The following ECI2 variants were observed in gnomAD, a reference collection of about 807,000 sequenced individuals.
ECI2 encodes enoyl-CoA delta isomerase 2.
Under a neutral mutation model 38.4 loss-of-function variants are expected in ECI2, and 27 were observed. That is an observed-to-expected ratio of 0.70 (90% CI 0.52 to 0.97). The LOEUF is 0.97. ECI2 is among the 50% of genes least tolerant of loss of function. The pLI, the probability that ECI2 is intolerant of heterozygous loss-of-function variation, is 0.00. For synonymous variants in ECI2, 168 were observed against 172.0 expected (o/e 0.98, Z 0.18); for missense variants, 470 against 474.4 (o/e 0.99, Z 0.09).
At chr6:4,134,606 T>C (rs988591270) in intron 1 of ECI2, among the ~76,000 whole-genome samples, 4 of 152,098 alleles carry the variant, frequency 2.6e-5, no homozygotes, top group Non-Finnish European at 2.9e-5. Context: ...ACAAACACAA[T>C]TATGTAACTC....
intron 2 of ECI2, 65 bp downstream of exon 2, chr6:4,133,484 G>A: frequency 6.5e-7 from 1 of 1,537,220 alleles, no homozygotes; most frequent in Non-Finnish European, 8.8e-7. Flanking sequence ...TAAACACACA[G>A]TGTATTTATT....
At chr6:4,129,271 C>G (rs1773379503) in intron 4 of ECI2, among the ~76,000 whole-genome samples, 2 of 152,102 alleles carry the variant, frequency 1.3e-5, no homozygotes, top group Admixed American at 1.3e-4. Flanking sequence ...CACCACCATG[C>G]CCAGCTAATT....
chr6:4,132,580 A>G (rs1463803303), intron 2 of ECI2, among the ~76,000 whole-genome samples: 1 of 152,206 alleles, frequency 6.6e-6, no homozygotes, highest in African/African-American at 2.4e-5. Context: ...TAGATAACAC[A>G]GGAGCCCAGA....
intron 7 of ECI2, among the ~76,000 whole-genome samples, chr6:4,120,445 G>A (rs1360288646): frequency 1.3e-5 from 2 of 152,132 alleles, no homozygotes; most frequent in African/African-American, 4.8e-5. Flanking sequence ...AGAAAAGGTA[G>A]GCCGGGTGTG....
At chr6:4,132,136 A>G (rs985878205) in intron 2 of ECI2, among the ~76,000 whole-genome samples, 3 of 152,204 alleles carry the variant, frequency 2.0e-5, no homozygotes, top group African/African-American at 7.2e-5. Context: ...ACGCACAATT[A>G]ATAGTTTATT....
intron 5 of ECI2, 61 bp from the exon 6 acceptor site, chr6:4,126,298 C>T: frequency 7.2e-7 from 1 of 1,398,242 alleles, no homozygotes. Context: ...TGAGTATCTA[C>T]TGCATGCCAA....
intron 4 of ECI2, among the ~76,000 whole-genome samples, chr6:4,128,908 A>C (rs530751960): frequency 6.6e-6 from 1 of 152,202 alleles, no homozygotes; most frequent in Non-Finnish European, 1.5e-5. Context: ...ATGACTGTAC[A>C]TGAATAAGCG....
chr6:4,125,676 T>G, intron 6 of ECI2: 1 of 447,220 alleles, frequency 2.2e-6, no homozygotes, highest in Non-Finnish European at 4.1e-6. Context: ...GAGATTAGGT[T>G]GGGTGACTGA....
At chr6:4,116,087 A>C (rs1266363527) in intron 9 of ECI2, 58 bp from the exon 10 acceptor site, 27 of 1,559,160 alleles carry the variant, frequency 1.7e-5, no homozygotes, top group Non-Finnish European at 6.1e-6. Flanking sequence ...ACGTGGACTC[A>C]TGCCTGTAAT....
At chr6:4,116,103 C>A in intron 9 of ECI2, 74 bp from the exon 10 acceptor site, 1 of 1,527,128 alleles carries the variant, frequency 6.5e-7, no homozygotes, top group East Asian at 2.3e-5. Context: ...GTAATCCCAG[C>A]ACTTGGGGAG....
chr6:4,130,460 C>T lies in ECI2; in HGVS notation c.413G>A (p.Gly138Glu), dbSNP rs199579454. 3 of 1,614,174 alleles carry T rather than the reference C, an allele frequency of 1.9e-6. No individual in the cohort carries two copies. The highest frequency in any genetic ancestry group is 8.5e-7 in the Non-Finnish European group (1 of 1,180,040). The change falls in exon 4 of 10, where the codon GGG becomes GAG. Residue 138 changes from glycine to glutamate, a missense_variant. Transcript: ENST00000380118. ...GGAGGTCACCACCAGAGTTTCAAAC[C>T]CAGTTGATTTCCTGTCTGTTCCAGG... ...VEPGTDRKST[G>E]FETLVVTSED...
intron 8 of ECI2, chr6:4,117,728 T>C (rs1772378284): frequency 6.5e-6 from 2 of 308,116 alleles, no homozygotes; most frequent in Non-Finnish European, 1.2e-5. Context: ...CTGAAGCAGA[T>C]GCTTGATTCT....
At chr6:4,129,201 C>T (rs1297770376) in intron 4 of ECI2, among the ~76,000 whole-genome samples, 2 of 152,000 alleles carry the variant, frequency 1.3e-5, no homozygotes, top group African/African-American at 2.4e-5. Flanking sequence ...CAACCTCCAC[C>T]TCCCCGGTTC....
intron 8 of ECI2, 114 bp downstream of exon 8, chr6:4,119,072 A>C (rs1772482337): frequency 1.2e-6 from 1 of 833,056 alleles, no homozygotes; most frequent in Non-Finnish European, 1.8e-6. Context: ...GCAAATCATT[A>C]GCTTCTCTTT....
Position 4,135,488 on chromosome 6 carries a change from A to C in ECI2, c.50+23T>G, listed in dbSNP as rs749776385. The stretch of plus-strand genomic sequence containing the variant: ...GTATCCTGCGGGCGACCATGGGCCG[A>C]ACGGCCGGGACTCCAAGCTTACCTC... On this transcript the variant is annotated intron_variant, in intron 1 of 9. Transcript: ENST00000380118. 29 of 1,611,448 alleles carry C rather than the reference A, an allele frequency of 1.8e-5. No homozygotes were observed. The South Asian group carries it at 3.2e-4, about 18-fold the overall frequency.
intron 7 of ECI2, among the ~76,000 whole-genome samples, chr6:4,124,747 C>G (rs895754644): frequency 3.9e-5 from 6 of 152,102 alleles, no homozygotes; most frequent in African/African-American, 1.2e-4. Context: ...CTGTATAATG[C>G]AATGGTGAAC....
Position 4,125,231 on chromosome 6 carries a change from T to C in ECI2, c.795+19A>G. Reference sequence around the variant, plus strand: ...TCGCGCTGCTTGCCTGACCTCTTGCTTTCTAGGAGCTGACTTACCCTGTCA... The same window carrying C: ...TCGCGCTGCTTGCCTGACCTCTTGCCTTCTAGGAGCTGACTTACCCTGTCA... On this transcript the variant is annotated intron_variant, in intron 7 of 9. Transcript: ENST00000380118. 1 of 1,613,152 alleles carries C rather than the reference T, an allele frequency of 6.2e-7. No individual in the cohort carries two copies. The highest frequency in any genetic ancestry group is 8.5e-7 in the Non-Finnish European group (1 of 1,179,522).
At chr6:4,127,941 C>T in intron 4 of ECI2, 110 bp from the exon 5 acceptor site, 1 of 990,990 alleles carries the variant, frequency 1.0e-6, no homozygotes, top group Non-Finnish European at 1.4e-6. Flanking sequence ...AAGTGCCTAA[C>T]ATTTATTTTG....
At chr6:4,129,090 C>T (rs969588344) in intron 4 of ECI2, among the ~76,000 whole-genome samples, 2 of 145,378 alleles carry the variant, frequency 1.4e-5, no homozygotes, top group African/African-American at 5.7e-5. Context: ...ATCAGGGTTT[C>T]TCCCTCCCTC....
Sources: allele counts gnomAD v4.1 joint callset (sites outside exome capture counted in the v4.1 genomes callset), GRCh38; gene constraint gnomAD v4.1.1; transcripts MANE v1.5; gene names NCBI Gene and HGNC (gene_info 2026-07-23, HGNC 2026-07-21).